LSAMP: variants seen among roughly 807,000 people sequenced by gnomAD.
The protein encoded by LSAMP is limbic system associated membrane protein, also known as limbic system-associated membrane protein.
LSAMP carries 7 observed loss-of-function variants against 38.6 expected under a neutral mutation model. The ratio of observed to expected loss-of-function variants is 0.18; its 90% confidence interval spans 0.10 to 0.34. The LOEUF (loss-of-function observed/expected upper bound fraction) is 0.34, where lower values mean the gene tolerates loss of function less well. Among genes scored for constraint, LSAMP ranks in the 10% least tolerant of loss-of-function variants. LSAMP has a pLI of 1.00. For synonymous variants in LSAMP, 154 were observed against 166.8 expected (o/e 0.92, Z 0.59); for missense variants, 313 against 420.0 (o/e 0.75, Z 2.23).
chr3:116,282,612 A>ACAT (rs1264742674), intron 1 of LSAMP, among the ~76,000 whole-genome samples: 1 of 152,118 alleles, frequency 6.6e-6, no homozygotes, highest in Non-Finnish European at 1.5e-5. Flanking sequence ...ACATTTTCTG[A>ACAT]CATGTGGATT....
At chr3:116,242,841 G>GAAT (rs35693277) in intron 1 of LSAMP, among the ~76,000 whole-genome samples, 2 of 121,520 alleles carry the variant, frequency 1.6e-5, no homozygotes, top group Non-Finnish European at 3.7e-5. Flanking sequence ...ATAGATAGAA[G>GAAT]TGTCCAAATT....
intron 1 of LSAMP, among the ~76,000 whole-genome samples, chr3:116,300,349 C>T (rs185886514): frequency 3.3e-5 from 5 of 152,282 alleles, no homozygotes; most frequent in Admixed American, 6.5e-5. Flanking sequence ...ACACAGAACA[C>T]GAGAAACCAC....
chr3:116,287,085 C>T (rs773082072), intron 1 of LSAMP, among the ~76,000 whole-genome samples: 15 of 151,972 alleles, frequency 9.9e-5, no homozygotes, highest in African/African-American at 2.9e-4. Flanking sequence ...AAGTTGGTAG[C>T]GCTTTCTTGG....
intron 1 of LSAMP, among the ~76,000 whole-genome samples, chr3:116,150,955 C>G (rs1053665967): frequency 6.6e-6 from 1 of 151,950 alleles, no homozygotes; most frequent in East Asian, 1.9e-4. Context: ...TAATAGTGTT[C>G]CCAGGTGGTG....
At chr3:115,877,728 C>T (rs1161597829) in intron 3 of LSAMP, among the ~76,000 whole-genome samples, 1 of 152,082 alleles carries the variant, frequency 6.6e-6, no homozygotes, top group Non-Finnish European at 1.5e-5. Flanking sequence ...ATGTGATATC[C>T]TGGCCAAAGC....
chr3:116,310,832 T>C (rs573538051), intron 1 of LSAMP, among the ~76,000 whole-genome samples: 4 of 151,508 alleles, frequency 2.6e-5, no homozygotes, highest in Admixed American at 2.6e-4. Flanking sequence ...ACCAAGAACA[T>C]AAAAATGTAT....
intron 1 of LSAMP, among the ~76,000 whole-genome samples, chr3:116,387,972 T>G (rs2116309): frequency 6.6e-6 from 1 of 151,796 alleles, no homozygotes; most frequent in Non-Finnish European, 1.5e-5. Context: ...GGTGTGGTGG[T>G]GGGTGCCTGT....
At chr3:116,299,119 T>TAAGTA (rs1171856843) in intron 1 of LSAMP, among the ~76,000 whole-genome samples, 1 of 152,222 alleles carries the variant, frequency 6.6e-6, no homozygotes, top group African/African-American at 2.4e-5. Flanking sequence ...CTTCACCATT[T>TAAGTA]AAGTATTCTG....
chr3:116,342,183 T>G (rs771819386), intron 1 of LSAMP, among the ~76,000 whole-genome samples: 21 of 151,998 alleles, frequency 1.4e-4, no homozygotes, highest in Admixed American at 1.3e-4. Flanking sequence ...CTCTTCCCAC[T>G]TGCAAGGTAG....
At chr3:115,868,593 A>AT (rs767370335) in intron 3 of LSAMP, among the ~76,000 whole-genome samples, 33 of 152,082 alleles carry the variant, frequency 2.2e-4, no homozygotes, top group Non-Finnish European at 3.4e-4. Flanking sequence ...GCATAAATAT[A>AT]TTTTTCACTA....
chr3:116,316,352 T>G (rs2047629165), intron 1 of LSAMP, among the ~76,000 whole-genome samples: 1 of 152,224 alleles, frequency 6.6e-6, no homozygotes, highest in South Asian at 2.1e-4. Context: ...GAGTTATCAT[T>G]CATCAAAGTA....
intron 6 of LSAMP, among the ~76,000 whole-genome samples, chr3:115,829,398 G>A (rs928422836): frequency 1.6e-4 from 25 of 152,162 alleles, no homozygotes; most frequent in African/African-American, 7.2e-5. Context: ...TAGGTATGAA[G>A]GTCAACTCAA....
intron 1 of LSAMP, among the ~76,000 whole-genome samples, chr3:116,418,499 A>AATT (rs1559861283): frequency 2.6e-5 from 4 of 151,314 alleles, no homozygotes; most frequent in African/African-American, 9.8e-5. Flanking sequence ...GTTTTTTTTT[A>AATT]AATTTATTTT....
intron 1 of LSAMP, among the ~76,000 whole-genome samples, chr3:116,363,733 G>A (rs1259938596): frequency 2.1e-5 from 3 of 144,926 alleles, no homozygotes; most frequent in Admixed American, 6.9e-5. Flanking sequence ...ATGTAATCCA[G>A]CATATAAACA....
At position 116,075,313 on chromosome 3, in the gene LSAMP, T is replaced by C. The variant is rs138914004; in HGVS notation, c.388+11011A>G. Among the ~76,000 whole-genome samples, 17 of 151,756 alleles carry C rather than the reference T, an allele frequency of 1.1e-4. No homozygotes were observed. The East Asian group carries it at 3.1e-3, about 28-fold the overall frequency. The stretch of plus-strand genomic sequence containing the variant: ...CACCACTCTTGGCTAATTTCTTGTA[T>C]TTTTAGTAGAGACAGGGTTTCACTA... On this transcript the variant is annotated intron_variant, in intron 2 of 6. Coordinates refer to ENST00000490035, the MANE Select transcript of LSAMP (RefSeq NM_002338.5).
At chr3:115,941,863 G>A (rs185669239) in intron 3 of LSAMP, among the ~76,000 whole-genome samples, 86 of 152,126 alleles carry the variant, frequency 5.7e-4, no homozygotes, top group African/African-American at 2.0e-3. Context: ...AAGTTCTGGG[G>A]ATCTAATGCA....
chr3:116,289,007 G>A (rs1222021809), intron 1 of LSAMP, among the ~76,000 whole-genome samples: 1 of 152,128 alleles, frequency 6.6e-6, no homozygotes, highest in East Asian at 1.9e-4. Context: ...GGCTTGTAAG[G>A]ATTTATGTTA....
At chr3:116,323,816 T>C (rs1340479688) in intron 1 of LSAMP, among the ~76,000 whole-genome samples, 1 of 152,130 alleles carries the variant, frequency 6.6e-6, no homozygotes, top group East Asian at 1.9e-4. Context: ...CTAAAATGCC[T>C]TGTTTATAGC....
At chr3:116,410,393 G>A (rs2107838310) in intron 1 of LSAMP, among the ~76,000 whole-genome samples, 1 of 152,156 alleles carries the variant, frequency 6.6e-6, no homozygotes, top group South Asian at 2.1e-4. Flanking sequence ...CTGCACAGCA[G>A]AAGGATTAAC....
Sources: allele counts gnomAD v4.1 joint callset (sites outside exome capture counted in the v4.1 genomes callset), GRCh38; gene constraint gnomAD v4.1.1; transcripts MANE v1.5; gene names NCBI Gene and HGNC (gene_info 2026-07-23, HGNC 2026-07-21).